The following CNST variants were observed in gnomAD, a reference collection of about 807,000 sequenced individuals.
CNST encodes consortin, connexin sorting protein, also known as consortin.
A neutral mutation model predicts 72.4 loss-of-function variants in CNST; 39 were observed. The ratio of observed to expected loss-of-function variants is 0.54; its 90% CI spans 0.42 to 0.70. The LOEUF is 0.70. CNST is among the 30% of genes least tolerant of loss of function. CNST has a pLI of 0.00. For synonymous variants in CNST, 332 were observed against 320.1 expected, an observed-to-expected ratio of 1.04 and a Z score of -0.40; for missense variants, 871 against 868.5, an observed-to-expected ratio of 1.00 and a Z score of -0.04.
chr1:246,663,305 GT>G (rs1324407317), intron 10 of CNST, among the ~76,000 whole-genome samples: 1 of 150,282 alleles, frequency 6.7e-6, no homozygotes, highest in South Asian at 2.1e-4. Context: ...TGCAGTGAGT[GT>G]GGCCTGGTGA....
intron 2 of CNST, among the ~76,000 whole-genome samples, chr1:246,595,866 G>C (rs1030738063): frequency 6.6e-6 from 1 of 152,038 alleles, no homozygotes; most frequent in Non-Finnish European, 1.5e-5. Flanking sequence ...CCAAAGGCTA[G>C]TACTGGAAAA....
chr1:246,648,597 A>G (rs1057195301), intron 9 of CNST, among the ~76,000 whole-genome samples: 13 of 152,196 alleles, frequency 8.5e-5, no homozygotes, highest in Non-Finnish European at 1.9e-4. Context: ...TACAAAAAAA[A>G]AGTTTGGAAA....
At position 246,569,850 on chromosome 1, in the gene CNST, G is replaced by A. The variant is rs753852527; in HGVS notation, c.-52+3187G>A. The A allele has an allele frequency of 2.4e-5, 13 of 547,886 alleles. No individual in the cohort carries two copies. The South Asian group carries it at 4.7e-4, about 20-fold the overall frequency. 33.9% of individuals were successfully genotyped at this position (547,886 alleles called of 1,614,324 possible). A position where few individuals can be genotyped will look rare whatever the true frequency, so the allele number is the denominator to read the frequency against. Reference sequence around the variant, plus strand: ...TGTTACTAGTTATTTACATCTGCACGTCAACAGTGTGTCAAGGCACAGTAT... The same window carrying A: ...TGTTACTAGTTATTTACATCTGCACATCAACAGTGTGTCAAGGCACAGTAT... On this transcript the variant is annotated intron_variant, in intron 1 of 10. Coordinates refer to ENST00000366513, the MANE Select transcript of CNST (RefSeq NM_152609.3).
At chr1:246,616,382 C>G (rs963237329) in intron 2 of CNST, among the ~76,000 whole-genome samples, 1 of 151,952 alleles carries the variant, frequency 6.6e-6, no homozygotes, top group Non-Finnish European at 1.5e-5. Context: ...GACACCACCC[C>G]CACTGCCCCC....
intron 2 of CNST, among the ~76,000 whole-genome samples, chr1:246,619,431 C>T (rs570432729): frequency 2.2e-4 from 33 of 152,256 alleles, no homozygotes; most frequent in Middle Eastern, 3.4e-3. Flanking sequence ...AGAAGCACAG[C>T]ACGTGGAATT....
intron 2 of CNST, among the ~76,000 whole-genome samples, chr1:246,612,658 G>T (rs529554497): frequency 6.6e-6 from 1 of 152,104 alleles, no homozygotes; most frequent in South Asian, 2.1e-4. Context: ...AGGCCAAGGC[G>T]GGCAGATTGC....
intron 1 of CNST, among the ~76,000 whole-genome samples, chr1:246,586,178 T>A (rs1661184339): frequency 6.7e-6 from 1 of 148,402 alleles, no homozygotes; most frequent in Non-Finnish European, 1.5e-5. Context: ...AGCAAAGATA[T>A]ATGGTATATC....
chr1:246,601,869 A>G (rs927720931), intron 2 of CNST, among the ~76,000 whole-genome samples: 3 of 152,238 alleles, frequency 2.0e-5, no homozygotes, highest in Admixed American at 2.0e-4. Context: ...GAACTGACAC[A>G]CATTCACTGT....
chr1:246,647,171 A>G lies in CNST; in HGVS notation c.970A>G (p.Lys324Glu), dbSNP rs1171554332. 4 of 1,613,590 alleles carry G rather than the reference A, an allele frequency of 2.5e-6. No homozygotes were observed. Among genetic ancestry groups the G allele is most frequent in the African/African-American group, 1.3e-5 (1 of 74,934 alleles). ...SKTCLGTESS[K>E]ESQHTVEPLG... ...AACTTGTCTCGGCACAGAGTCAAGT[A>G]AAGAAAGCCAACATACAGTGGAGCC... The change falls in exon 9 of 11, where the codon AAA becomes GAA. Residue 324 changes from lysine to glutamate, a missense_variant. Coordinates refer to ENST00000366513, the MANE Select transcript of CNST (RefSeq NM_152609.3).
rs534105563 is a variant in CNST, at chr1:246,623,193, A to G, written c.585+1559A>G. On this transcript the variant is annotated intron_variant, in intron 3 of 10. Coordinates refer to ENST00000366513, the MANE Select transcript of CNST (RefSeq NM_152609.3). Reference sequence around the variant, plus strand: ...ATGGAGAAAGTGATTTACTTTTGTAATGAGAAGTGAATAATTTTTAATTTT... The same window carrying G: ...ATGGAGAAAGTGATTTACTTTTGTAGTGAGAAGTGAATAATTTTTAATTTT... 2.0e-5 allele frequency among the ~76,000 whole-genome samples: 3 copies of G among 152,354 alleles called. No individual in the cohort carries two copies. In the South Asian group the frequency reaches 6.2e-4, roughly 32 times the overall value.
At chr1:246,635,934 A>G (rs3129541) in intron 6 of CNST, among the ~76,000 whole-genome samples, 72 of 151,702 alleles carry the variant, frequency 4.7e-4, no homozygotes, top group Middle Eastern at 6.8e-3. Flanking sequence ...TTGGAAGTAA[A>G]ACGAATCCAG....
chr1:246,607,077 C>T (rs945360770), intron 2 of CNST: 24 of 152,630 alleles, frequency 1.6e-4, no homozygotes, highest in Middle Eastern at 3.4e-3. Context: ...GGCCACCACT[C>T]GGCTGTGGAG....
At chr1:246,613,658 TCTCCTCCTCTCTAC>T (rs1558558464) in intron 2 of CNST, among the ~76,000 whole-genome samples, 2 of 11,932 alleles carry the variant, frequency 1.7e-4, no homozygotes, top group African/African-American at 4.1e-4. Flanking sequence ...TCTCTCTCTC[TCTCCTCCTCTCTAC>T]CTCTCCTCCT....
chr1:246,593,318 G>C (rs935443073), intron 2 of CNST, among the ~76,000 whole-genome samples: 5 of 146,172 alleles, frequency 3.4e-5, no homozygotes, highest in African/African-American at 9.7e-5. Context: ...GGATATGAAA[G>C]CTTTTTTTTT....
intron 2 of CNST, among the ~76,000 whole-genome samples, chr1:246,619,644 A>G (rs1663924574): frequency 6.6e-6 from 1 of 152,238 alleles, no homozygotes; most frequent in Non-Finnish European, 1.5e-5. Flanking sequence ...AGAGTAGAAC[A>G]TAAATAGGCT....
chr1:246,585,159 T>G (rs567562942), intron 1 of CNST, among the ~76,000 whole-genome samples: 8 of 152,288 alleles, frequency 5.3e-5, no homozygotes, highest in Admixed American at 5.2e-4. Flanking sequence ...TGTGGTCCCC[T>G]CTTCTTGGAA....
At chr1:246,635,246 G>A (rs1252225534) in intron 6 of CNST, among the ~76,000 whole-genome samples, 1 of 151,528 alleles carries the variant, frequency 6.6e-6, no homozygotes, top group African/African-American at 2.4e-5. Context: ...CTTGAGAGTC[G>A]GGTTGGTATC....
At chr1:246,663,336 T>TA (rs768843517) in intron 10 of CNST, among the ~76,000 whole-genome samples, 3,339 of 116,474 alleles carry the variant, frequency 0.029, 128 homozygotes, top group African/African-American at 0.091. Flanking sequence ...ACCCTATGTC[T>TA]AAAAAAAAAA....
At position 246,621,607 on chromosome 1, in the gene CNST, A is replaced by G; in HGVS notation, c.558A>G (p.Ser186=). 1 of 1,614,120 alleles carries G rather than the reference A, an allele frequency of 6.2e-7. No homozygotes were observed. Among genetic ancestry groups the G allele is most frequent in the East Asian group, 2.2e-5 (1 of 44,886 alleles). The change falls in exon 3 of 11, where the codon TCA becomes TCG. Residue 186 remains serine, a synonymous_variant. Transcript: ENST00000366513. ...LIRGEVEQLD[S]RALPLCLHQI... ...GAGGTGAAGTTGAGCAGTTGGATTC[A>G]AGAGCACTTCCCCTTTGCCTTCATC...
Sources: gnomAD v4.1 joint callset for allele counts (sites outside exome capture counted in the v4.1 genomes callset) on GRCh38, gnomAD v4.1.1 for gene constraint, MANE v1.5 for transcripts, NCBI Gene and HGNC (gene_info 2026-07-23, HGNC 2026-07-21) for gene names.